Variants in RALYL observed in about 807,000 individuals in gnomAD.
RALYL encodes the protein RALY RNA binding protein like, also known as RNA-binding Raly-like protein.
A neutral mutation model predicts 35.1 loss-of-function variants in RALYL; 29 were observed. The ratio of observed to expected loss-of-function variants is 0.83; its 90% CI spans 0.61 to 1.13. RALYL has a LOEUF of 1.13. RALYL is among the 50% of genes most tolerant of loss of function. The pLI is 0.00. For missense variants in RALYL, 359 were observed against 360.4 expected (o/e 1.00, Z 0.03); for synonymous variants, 120 against 127.6 (o/e 0.94, Z 0.40).
intron 1 of RALYL, among the ~76,000 whole-genome samples, chr8:84,362,592 T>C (rs1045606173): frequency 5.3e-5 from 8 of 152,142 alleles, no homozygotes; most frequent in African/African-American, 1.7e-4. Flanking sequence ...ATGCGAGGGA[T>C]CCAGGTTGCA....
intron 2 of RALYL, among the ~76,000 whole-genome samples, chr8:84,628,197 C>T (rs1411258360): frequency 3.3e-5 from 5 of 151,916 alleles, no homozygotes; most frequent in African/African-American, 9.7e-5. Flanking sequence ...TTCATTATTC[C>T]ATAGTCACCA....
intron 2 of RALYL, among the ~76,000 whole-genome samples, chr8:84,604,551 ACTTCTAATTT>A (rs1816699720): frequency 6.6e-6 from 1 of 152,110 alleles, no homozygotes; most frequent in Admixed American, 6.6e-5. Context: ...ATTCCTACAT[ACTTCTAATTT>A]GAATTTTTGC....
rs1223470724 is a variant in RALYL, at chr8:84,464,216, G to GT, written c.-23-65082dup. On this transcript the variant is annotated intron_variant, in intron 1 of 8. Transcript: ENST00000521268. ...GCAGGTTAGTTACATATGTATACATGTGCCATGCTGGTGCGCTGCATCCAC... is the reference window on the plus strand; with the variant it reads ...GCAGGTTAGTTACATATGTATACATGTTGCCATGCTGGTGCGCTGCATCCAC... Among the ~76,000 whole-genome samples, 12 of 148,914 alleles carry GT rather than the reference G, an allele frequency of 8.1e-5. 1 individual carries two copies. The Admixed American group carries it at 8.1e-4, about 10-fold the overall frequency.
rs2057550617 is a variant in RALYL at position 84,510,791 on chromosome 8, CAA to C, written c.-23-18507_-23-18506del. On this transcript the variant is annotated intron_variant, in intron 1 of 8. Transcript: ENST00000521268. ...CACCATTGCACTTTAGCCTGGGCAA[CAA>C]GAGTGAAACTATCTCAAAAAAAAAA... Among the ~76,000 whole-genome samples the C allele has an allele frequency of 2.0e-5, 3 of 148,288 alleles. No individual in the cohort carries two copies. The South Asian group carries it at 6.4e-4, about 32-fold the overall frequency.
At chr8:84,686,976 AAT>A (rs1188315765) in intron 2 of RALYL, among the ~76,000 whole-genome samples, 1 of 152,152 alleles carries the variant, frequency 6.6e-6, no homozygotes, top group African/African-American at 2.4e-5. Flanking sequence ...AAATATTACA[AAT>A]AGTCTTTCCA....
chr8:84,749,664 G>A (rs1177347285), intron 2 of RALYL, among the ~76,000 whole-genome samples: 1 of 152,124 alleles, frequency 6.6e-6, no homozygotes, highest in African/African-American at 2.4e-5. Flanking sequence ...ATTGGGAGAG[G>A]GAAGGATCTA....
intron 2 of RALYL, among the ~76,000 whole-genome samples, chr8:84,561,941 A>G (rs2061492292): frequency 6.6e-6 from 1 of 152,050 alleles, no homozygotes; most frequent in African/African-American, 2.4e-5. Context: ...AAGCCGATAT[A>G]TCTAAGAACT....
At chr8:84,869,197 G>C (rs1261884846) in intron 6 of RALYL, among the ~76,000 whole-genome samples, 1 of 152,050 alleles carries the variant, frequency 6.6e-6, no homozygotes, top group East Asian at 1.9e-4. Context: ...ATATAGAATT[G>C]AAAGTAAGAA....
intron 1 of RALYL, among the ~76,000 whole-genome samples, chr8:84,348,600 A>T (rs1850285683): frequency 6.6e-6 from 1 of 152,132 alleles, no homozygotes; most frequent in Non-Finnish European, 1.5e-5. Flanking sequence ...CACCACCAGG[A>T]ACAATTACTG....
At chr8:84,847,720 G>A (rs570674505) in intron 4 of RALYL, among the ~76,000 whole-genome samples, 1 of 152,064 alleles carries the variant, frequency 6.6e-6, no homozygotes, top group East Asian at 1.9e-4. Flanking sequence ...TACACTTTAG[G>A]CAGTGGTCTC....
intron 1 of RALYL, among the ~76,000 whole-genome samples, chr8:84,527,654 A>T (rs895311399): frequency 6.6e-6 from 1 of 152,154 alleles, no homozygotes; most frequent in African/African-American, 2.4e-5. Context: ...TTCTCAGAGC[A>T]TTTGTCTTGA....
At chr8:84,567,381 G>A (rs578068482) in intron 2 of RALYL, among the ~76,000 whole-genome samples, 84 of 151,646 alleles carry the variant, frequency 5.5e-4, no homozygotes, top group Non-Finnish European at 1.1e-3. Flanking sequence ...CCTTTTTGGA[G>A]TCCCCAGTGC....
At chr8:84,352,460 T>C (rs991268336) in intron 1 of RALYL, among the ~76,000 whole-genome samples, 1 of 150,544 alleles carries the variant, frequency 6.6e-6, no homozygotes, top group Non-Finnish European at 1.5e-5. Context: ...ATATTTGTTA[T>C]GCTTTTGTAA....
At chr8:84,614,964 G>T (rs759150483) in intron 2 of RALYL, among the ~76,000 whole-genome samples, 11 of 151,490 alleles carry the variant, frequency 7.3e-5, no homozygotes, top group Non-Finnish European at 1.6e-4. Flanking sequence ...TGCCCTTGAG[G>T]AATGATGGCA....
intron 1 of RALYL, among the ~76,000 whole-genome samples, chr8:84,258,530 A>G (rs1451213123): frequency 6.6e-6 from 1 of 152,060 alleles, no homozygotes. Flanking sequence ...GCCCAAATAA[A>G]CAAGTTGCAG....
At chr8:84,706,464 T>C (rs191131153) in intron 2 of RALYL, among the ~76,000 whole-genome samples, 57 of 152,280 alleles carry the variant, frequency 3.7e-4, no homozygotes, top group Admixed American at 3.5e-3. Context: ...TCATCCAATT[T>C]CAATTACAAC....
chr8:84,359,886 TTTTTTTTTCTTTTAAC>T (rs1852610618), intron 1 of RALYL, among the ~76,000 whole-genome samples: 1 of 151,800 alleles, frequency 6.6e-6, no homozygotes, highest in African/African-American at 2.4e-5. Flanking sequence ...TCATGTTTTT[TTTTTTTTTCTTTTAAC>T]TTTTTTTCTT....
intron 5 of RALYL, among the ~76,000 whole-genome samples, chr8:84,859,836 C>G (rs1006207425): frequency 6.6e-6 from 1 of 152,066 alleles, no homozygotes; most frequent in East Asian, 1.9e-4. Context: ...CAGAGTGACA[C>G]TCTGTCTCAA....
intron 1 of RALYL, among the ~76,000 whole-genome samples, chr8:84,214,690 G>A (rs1475634414): frequency 6.6e-5 from 10 of 151,966 alleles, no homozygotes; most frequent in South Asian, 2.1e-4. Flanking sequence ...AGTGCTACTC[G>A]AAGTGTAGTC....
Sources: allele counts gnomAD v4.1 joint callset (sites outside exome capture counted in the v4.1 genomes callset), GRCh38; gene constraint gnomAD v4.1.1; transcripts MANE v1.5; gene names NCBI Gene and HGNC (gene_info 2026-07-23, HGNC 2026-07-21).